The following GDPD4 variants were observed in gnomAD, a reference collection of about 807,000 sequenced individuals.
The protein encoded by GDPD4 is glycerophosphodiester phosphodiesterase 6.
Under a neutral mutation model 67.8 loss-of-function variants are expected in GDPD4, and 60 were observed. The ratio of observed to expected loss-of-function variants is 0.88; its 90% confidence interval spans 0.72 to 1.10. The LOEUF (loss-of-function observed/expected upper bound fraction) is 1.10, where lower values mean the gene tolerates loss of function less well. Ranked by LOEUF, GDPD4 falls within the 50% of genes least tolerant of loss-of-function variation. The pLI, the probability that GDPD4 is intolerant of heterozygous loss-of-function variation, is 0.00. For missense variants in GDPD4, 623 were observed against 613.9 expected (o/e 1.01, Z -0.16); for synonymous variants, 212 against 210.9 (o/e 1.00, Z -0.04).
chr11:77,299,359 G>C (rs1227245931), intron 1 of GDPD4, among the ~76,000 whole-genome samples: 1 of 152,054 alleles, frequency 6.6e-6, no homozygotes, highest in African/African-American at 2.4e-5. Context: ...TTCTCAACAA[G>C]GTCAACCCTA....
At chr11:77,218,994 T>A (rs1481119629) in intron 16 of GDPD4, among the ~76,000 whole-genome samples, 1 of 152,242 alleles carries the variant, frequency 6.6e-6, no homozygotes, top group Non-Finnish European at 1.5e-5. Context: ...TGAACTAGTT[T>A]ACACTCCTAC....
chr11:77,286,744 C>T (rs751180964), intron 2 of GDPD4, among the ~76,000 whole-genome samples: 9 of 152,216 alleles, frequency 5.9e-5, no homozygotes, highest in Non-Finnish European at 1.2e-4. Flanking sequence ...ACCACTCAGC[C>T]TTACTAGAGT....
Position 77,216,865 on chromosome 11 carries a change from T to C in GDPD4, c.*412A>G. 2 of 655,006 alleles carry C rather than the reference T, an allele frequency of 3.1e-6. No homozygotes were observed. Among genetic ancestry groups the C allele is most frequent in the South Asian group, 1.7e-5 (1 of 58,222 alleles). The allele number at this position is 655,006 out of a possible 1,614,324, so 40.6% of individuals were successfully genotyped here. A position where few individuals can be genotyped will look rare whatever the true frequency, so the allele number is the denominator to read the frequency against. ...TGGAAACACAGAAGGCTATGTCAGA[T>C]GCAATGGAATATATTGTGACATAGG... On this transcript the variant is annotated 3_prime_UTR_variant, in exon 17 of 17. Transcript: ENST00000315938.
intron 10 of GDPD4, among the ~76,000 whole-genome samples, chr11:77,265,182 T>C (rs931080689): frequency 6.6e-6 from 1 of 152,072 alleles, no homozygotes; most frequent in Non-Finnish European, 1.5e-5. Context: ...CATGTGCACA[T>C]AGGTAATTAA....
At chr11:77,278,454 T>A (rs1422445166) in intron 4 of GDPD4, among the ~76,000 whole-genome samples, 1 of 152,244 alleles carries the variant, frequency 6.6e-6, no homozygotes, top group Non-Finnish European at 1.5e-5. Flanking sequence ...TTATAACTTA[T>A]ATCTCACATC....
At chr11:77,284,484 T>A (rs1022667428) in intron 3 of GDPD4, among the ~76,000 whole-genome samples, 4 of 152,200 alleles carry the variant, frequency 2.6e-5, no homozygotes, top group African/African-American at 4.8e-5. Context: ...TATTCCATTT[T>A]TAAAAGCCCC....
chr11:77,280,870 T>C (rs1304897522), intron 3 of GDPD4, among the ~76,000 whole-genome samples: 1 of 152,216 alleles, frequency 6.6e-6, no homozygotes, highest in Non-Finnish European at 1.5e-5. Flanking sequence ...AGAAGGAGTT[T>C]GCTTATGTGA....
At chr11:77,218,753 T>C (rs1309393801) in intron 16 of GDPD4, among the ~76,000 whole-genome samples, 1 of 152,212 alleles carries the variant, frequency 6.6e-6, no homozygotes, top group East Asian at 1.9e-4. Context: ...TATTCCATGG[T>C]GTATATGTGC....
chr11:77,255,819 A>T (rs1256340678), intron 11 of GDPD4, among the ~76,000 whole-genome samples: 1 of 151,966 alleles, frequency 6.6e-6, no homozygotes, highest in Non-Finnish European at 1.5e-5. Flanking sequence ...GTGAGCCGAG[A>T]TCACACCACC....
chr11:77,280,955 C>T (rs1959728472), intron 3 of GDPD4, among the ~76,000 whole-genome samples: 1 of 152,198 alleles, frequency 6.6e-6, no homozygotes, highest in Non-Finnish European at 1.5e-5. Flanking sequence ...TGAGAATATA[C>T]AATGCTGATG....
chr11:77,289,933 G>A (rs765059918), intron 1 of GDPD4, among the ~76,000 whole-genome samples: 2 of 152,074 alleles, frequency 1.3e-5, no homozygotes, highest in Admixed American at 6.5e-5. Flanking sequence ...CCAAGTACTC[G>A]AATTTTGGAT....
chr11:77,294,029 G>A (rs1220162188), intron 1 of GDPD4, among the ~76,000 whole-genome samples: 2 of 152,174 alleles, frequency 1.3e-5, no homozygotes, highest in East Asian at 3.8e-4. Flanking sequence ...ATTAATAAGT[G>A]AGTTTGGCAA....
In GDPD4 at chr11:77,260,321, TCGGG is replaced by T. The variant is rs1378051911; in HGVS notation, c.708-1783_708-1780del. On this transcript the variant is annotated intron_variant, in intron 10 of 16. Coordinates refer to ENST00000315938, the MANE Select transcript of GDPD4 (RefSeq NM_182833.3). Reference sequence around the variant, plus strand: ...AACTCCATCTCAGAAAAAAAAATGGTCGGGGGAGGGGGGGGAATAATTTAGAACT... The same window carrying T: ...AACTCCATCTCAGAAAAAAAAATGGTGGAGGGGGGGGAATAATTTAGAACT... Among the ~76,000 whole-genome samples the T allele has an allele frequency of 5.4e-4, 55 of 101,098 alleles. 1 individual carries two copies. The highest frequency in any genetic ancestry group is 3.6e-3 in the African/African-American group (54 of 14,826). 66.3% of individuals were successfully genotyped at this position (101,098 alleles called of 152,430 possible).
intron 14 of GDPD4, 151 bp downstream of exon 14, chr11:77,232,874 T>C (rs1248679897): frequency 1.6e-6 from 1 of 623,822 alleles, no homozygotes; most frequent in Middle Eastern, 4.2e-4. Flanking sequence ...GAAGGATCTG[T>C]GAGAATGGAA....
intron 4 of GDPD4, among the ~76,000 whole-genome samples, chr11:77,277,523 C>A (rs1959538511): frequency 1.3e-5 from 2 of 150,880 alleles, no homozygotes; most frequent in East Asian, 3.9e-4. Context: ...CTGCCTCAGC[C>A]TCCCGAGTAG....
chr11:77,264,889 C>G (rs1959171203), intron 10 of GDPD4, among the ~76,000 whole-genome samples: 2 of 152,040 alleles, frequency 1.3e-5, no homozygotes, highest in South Asian at 4.1e-4. Flanking sequence ...AGGAGAAGCT[C>G]TGAAAAGTTG....
intron 1 of GDPD4, among the ~76,000 whole-genome samples, chr11:77,293,850 AAAGCAAGG>A (rs1937861374): frequency 2.6e-5 from 4 of 152,204 alleles, no homozygotes; most frequent in Admixed American, 2.6e-4. Context: ...GATCAGAAAC[AAAGCAAGG>A]ATGTCTGTTA....
chr11:77,255,081 C>CT (rs1384154237), intron 11 of GDPD4, among the ~76,000 whole-genome samples: 1 of 152,172 alleles, frequency 6.6e-6, no homozygotes, highest in Non-Finnish European at 1.5e-5. Context: ...TCAGGATGCT[C>CT]TTCAGTAGCC....
chr11:77,254,632 T>C (rs1429125179), intron 11 of GDPD4, among the ~76,000 whole-genome samples: 3 of 152,174 alleles, frequency 2.0e-5, no homozygotes, highest in Admixed American at 2.0e-4. Context: ...ATGAAAATTA[T>C]ATTTTTATCA....
Sources: gnomAD v4.1 joint callset for allele counts (sites outside exome capture counted in the v4.1 genomes callset) on GRCh38, gnomAD v4.1.1 for gene constraint, MANE v1.5 for transcripts, NCBI Gene and HGNC (gene_info 2026-07-23, HGNC 2026-07-21) for gene names.